Variants in PTGER3 observed in about 807,000 individuals in gnomAD.
PTGER3 encodes the protein prostaglandin E2 receptor EP3 subtype.
In PTGER3, 22 loss-of-function variants were observed where a neutral mutation model predicts 34.7. That is an observed-to-expected ratio of 0.63 (90% CI 0.45 to 0.91). The LOEUF (loss-of-function observed/expected upper bound fraction) is 0.91, where lower values mean the gene tolerates loss of function less well. Among genes scored for constraint, PTGER3 ranks in the 40% least tolerant of loss-of-function variants. The probability of loss-of-function intolerance (pLI) is 0.00; values close to 1 mark genes in which losing one functional copy is unlikely to be tolerated. For synonymous variants in PTGER3, 241 were observed against 230.1 expected (o/e 1.05, Z -0.43); for missense variants, 468 against 519.4 (o/e 0.90, Z 0.96).
chr1:70,922,979 C>T (rs1011755798), intron 4 of PTGER3, among the ~76,000 whole-genome samples: 2 of 152,076 alleles, frequency 1.3e-5, no homozygotes, highest in Admixed American at 6.6e-5. Context: ...AGAGCAAAAA[C>T]CTGCTTATGA....
At chr1:71,008,123 C>T (rs1657126568) in intron 2 of PTGER3, 2 of 980,064 alleles carry the variant, frequency 2.0e-6, no homozygotes. Context: ...TACTTTCTTT[C>T]TGTGAAAGAA....
At chr1:71,028,018 A>T (rs2100934058) in intron 1 of PTGER3, among the ~76,000 whole-genome samples, 1 of 152,198 alleles carries the variant, frequency 6.6e-6, no homozygotes, top group Admixed American at 6.5e-5. Flanking sequence ...TTCCACCTTT[A>T]TTCTGTCAAT....
chr1:70,967,790 A>T (rs1652682565), downstream of PTGER3, among the ~76,000 whole-genome samples: 1 of 152,076 alleles, frequency 6.6e-6, no homozygotes, highest in Non-Finnish European at 1.5e-5. Context: ...CTTTTATTTC[A>T]TTATTTATTT....
intron 3 of PTGER3, among the ~76,000 whole-genome samples, chr1:70,972,446 T>C (rs1364597306): frequency 6.6e-6 from 1 of 152,154 alleles, no homozygotes; most frequent in Admixed American, 6.5e-5. Context: ...TCTAATTATT[T>C]TCGCAAACAG....
In PTGER3 at chr1:71,043,807, GT is replaced by G. The variant is rs376878455; in HGVS notation, c.897+2873del. Among the ~76,000 whole-genome samples the G allele has an allele frequency of 3.9e-3, 574 of 146,020 alleles. 14 individuals carry two copies. The East Asian group carries it at 0.066, about 17-fold the overall frequency. On this transcript the variant is annotated intron_variant, in intron 1 of 3. Transcript: ENST00000306666. ...GTAAATCTTTTTGAAGATATTTGGA[GT>G]TTTTTTTTTGTTTTTTGTTTTTTTT...
At chr1:70,993,946 C>T (rs952849409) in intron 2 of PTGER3, among the ~76,000 whole-genome samples, 13 of 152,148 alleles carry the variant, frequency 8.5e-5, no homozygotes, top group African/African-American at 2.7e-4. Flanking sequence ...AAAGGCTCTT[C>T]GTTCTTGGAA....
At chr1:70,874,200 C>A (rs903202984) in intron 4 of PTGER3, among the ~76,000 whole-genome samples, 1 of 152,120 alleles carries the variant, frequency 6.6e-6, no homozygotes, top group African/African-American at 2.4e-5. Context: ...GAGCTGGGGC[C>A]AAACTGCAGC....
chr1:70,991,035 T>C (rs1040390897), intron 2 of PTGER3, among the ~76,000 whole-genome samples: 24 of 152,198 alleles, frequency 1.6e-4, no homozygotes, highest in Non-Finnish European at 3.5e-4. Context: ...AATGTGCTTC[T>C]CATTGACCTT....
intron 4 of PTGER3, among the ~76,000 whole-genome samples, chr1:70,901,024 A>G (rs1236439763): frequency 1.3e-4 from 20 of 152,184 alleles, no homozygotes; most frequent in Admixed American, 1.3e-3. Flanking sequence ...TTCTCCTGGG[A>G]GAAACCATGC....
At chr1:70,898,254 A>G (rs1353914286) in intron 4 of PTGER3, among the ~76,000 whole-genome samples, 1 of 152,136 alleles carries the variant, frequency 6.6e-6, no homozygotes. Context: ...TGAGCAACAC[A>G]CACTGATGTC....
chr1:71,020,697 A>AGT (rs112981971), intron 1 of PTGER3, among the ~76,000 whole-genome samples: 28,785 of 144,734 alleles, frequency 0.2, 3,143 homozygotes, highest in East Asian at 0.34. Context: ...ATGTTAGCAG[A>AGT]GTGTGTGTGT....
At chr1:71,019,150 G>A (rs1658178648) in intron 1 of PTGER3, among the ~76,000 whole-genome samples, 1 of 152,184 alleles carries the variant, frequency 6.6e-6, no homozygotes, top group Non-Finnish European at 1.5e-5. Context: ...TAGACTTTGA[G>A]AGAAAACCTT....
chr1:70,917,458 T>C (rs559490367), intron 4 of PTGER3, among the ~76,000 whole-genome samples: 3 of 140,408 alleles, frequency 2.1e-5, no homozygotes, highest in South Asian at 2.2e-4. Flanking sequence ...ATCAATTCCA[T>C]AGAATGGCAT....
chr1:70,973,845 C>A (rs17090700), intron 3 of PTGER3, among the ~76,000 whole-genome samples: 36,495 of 151,878 alleles, frequency 0.24, 4,595 homozygotes, highest in Middle Eastern at 0.33. Flanking sequence ...TAAGTTCTGC[C>A]TTTTAGAGTA....
At chr1:70,959,597 A>T (rs1651713955) in intron 2 of PTGER3, among the ~76,000 whole-genome samples, 1 of 152,056 alleles carries the variant, frequency 6.6e-6, no homozygotes, top group Admixed American at 6.5e-5. Flanking sequence ...CTGACCTCGA[A>T]TGATCCGTCT....
At chr1:71,022,323 A>AAC (rs33929015) in intron 1 of PTGER3, among the ~76,000 whole-genome samples, 50,114 of 151,302 alleles carry the variant, frequency 0.33, 9,049 homozygotes, top group South Asian at 0.45. Context: ...GACACTCTGT[A>AAC]TGTTCAAAAC....
chr1:70,970,761 C>T, downstream of PTGER3: 1 of 599,768 alleles, frequency 1.7e-6, no homozygotes, highest in Non-Finnish European at 2.1e-6. Context: ...CCGTTGAAAA[C>T]TATTAGATGA....
At chr1:70,891,795 A>G (rs959406041) in intron 4 of PTGER3, among the ~76,000 whole-genome samples, 1 of 152,226 alleles carries the variant, frequency 6.6e-6, no homozygotes, top group East Asian at 1.9e-4. Context: ...GGAAGGAAGG[A>G]TTACAAAATT....
chr1:70,966,811 G>T (rs573496663), downstream of PTGER3, among the ~76,000 whole-genome samples: 1 of 152,018 alleles, frequency 6.6e-6, no homozygotes, highest in Non-Finnish European at 1.5e-5. Flanking sequence ...AGTATTCCAT[G>T]GTGTATATGA....
Sources: gnomAD v4.1 joint callset for allele counts (sites outside exome capture counted in the v4.1 genomes callset) on GRCh38, gnomAD v4.1.1 for gene constraint, MANE v1.5 for transcripts, NCBI Gene and HGNC (gene_info 2026-07-23, HGNC 2026-07-21) for gene names.